Variants in ARID2 observed in about 807,000 individuals in gnomAD.
The protein encoded by ARID2 is AT-rich interactive domain-containing protein 2.
ARID2 carries 32 observed loss-of-function variants against 184.6 expected under a neutral mutation model. That is an observed-to-expected ratio of 0.17 (90% confidence interval 0.13 to 0.23). ARID2 has a LOEUF of 0.23. Among genes scored for constraint, ARID2 ranks in the 10% least tolerant of loss-of-function variants. ARID2 has a pLI of 1.00. For missense variants in ARID2, 1,696 were observed against 2,197.6 expected (o/e 0.77, Z 4.56); for synonymous variants, 836 against 772.6 (o/e 1.08, Z -1.36).
intron 3 of ARID2, among the ~76,000 whole-genome samples, chr12:45,783,040 A>T (rs1942126006): frequency 1.3e-5 from 2 of 152,008 alleles, no homozygotes; most frequent in Non-Finnish European, 2.9e-5. Context: ...AGGCTGAGGC[A>T]CGAAAATTGC....
chr12:45,804,719 C>T lies in ARID2; in HGVS notation c.285-6699C>T, dbSNP rs553533641. Reference sequence around the variant, plus strand: ...TTTAAATTGTGAAATATATCATGCACACACAAAAAAGCTTAATACATCATC... The same window carrying T: ...TTTAAATTGTGAAATATATCATGCATACACAAAAAAGCTTAATACATCATC... On this transcript the variant is annotated intron_variant, in intron 3 of 20. Transcript: ENST00000334344. Among the ~76,000 whole-genome samples the T allele has an allele frequency of 3.9e-5, 6 of 152,036 alleles. No homozygotes were observed. The East Asian group carries it at 7.7e-4, about 20-fold the overall frequency.
intron 3 of ARID2, among the ~76,000 whole-genome samples, chr12:45,795,744 CTTTT>C (rs1942381787): frequency 6.6e-6 from 1 of 152,004 alleles, no homozygotes; most frequent in Admixed American, 6.6e-5. Context: ...CCTCTCTGTT[CTTTT>C]CTTTTCCTCC....
intron 3 of ARID2, among the ~76,000 whole-genome samples, chr12:45,739,438 CTT>C (rs71067906): frequency 4.4e-5 from 4 of 90,752 alleles, no homozygotes; most frequent in African/African-American, 1.4e-4. Flanking sequence ...TATAAAGTTA[CTT>C]TTTTTTTTTT....
chr12:45,856,039 T>C (rs974686093), intron 15 of ARID2, among the ~76,000 whole-genome samples: 24 of 151,588 alleles, frequency 1.6e-4, no homozygotes, highest in South Asian at 2.1e-4. Flanking sequence ...CTTAAATTTC[T>C]TTATGTACTC....
chr12:45,851,735 C>A lies in ARID2; in HGVS notation c.3612C>A (p.Ser1204Arg), dbSNP rs754138436. 1 of 1,614,074 alleles carries A rather than the reference C, an allele frequency of 6.2e-7. No individual in the cohort carries two copies. The highest frequency in any genetic ancestry group is 8.5e-7 in the Non-Finnish European group (1 of 1,179,994). Residue 1204 changes from serine (S) to arginine (R), a missense_variant, in exon 15 of 21, where the codon AGC (serine) becomes AGA (arginine). Ser to Arg is a moderately radical substitution (Grantham distance 110). Coordinates refer to ENST00000334344, the MANE Select transcript of ARID2 (RefSeq NM_152641.4). Reference protein sequence around the residue: ...QLIAPAGITMSGTQTGVGLPV... With the variant: ...QLIAPAGITMRGTQTGVGLPV... ...TTGCTCCAGCAGGAATTACCATGAG[C>A]GGAACGCAGACAGGAGTTGGACTTC...
At chr12:45,772,611 G>T (rs1941898280) in intron 3 of ARID2, among the ~76,000 whole-genome samples, 1 of 152,002 alleles carries the variant, frequency 6.6e-6, no homozygotes, top group Non-Finnish European at 1.5e-5. Flanking sequence ...TTAATATCAG[G>T]CAAAATAGAT....
At chr12:45,844,547 A>G (rs1009285207) in intron 11 of ARID2, among the ~76,000 whole-genome samples, 7 of 152,186 alleles carry the variant, frequency 4.6e-5, no homozygotes, top group African/African-American at 1.7e-4. Context: ...ATTGACAGGA[A>G]GCTATACCAA....
At position 45,850,648 on chromosome 12, in the gene ARID2, C is replaced by T. The variant is rs2138163822; in HGVS notation, c.2525C>T (p.Ser842Leu). 6.2e-7 allele frequency: 1 copy of T among 1,614,136 alleles called. No homozygotes were observed. ...CAACAGACATCAGCTGGTAGCCAGT[C>T]ACAAGATACTGTTATCATAGCACCC... ...SSQQTSAGSQ[S>L]QDTVIIAPPQ... The change falls in exon 15 of 21, where the codon TCA becomes TTA. Residue 842 changes from serine (S) to leucine (L), a missense_variant. Ser to Leu is a moderately radical substitution (Grantham distance 145, BLOSUM62 -2). Transcript: ENST00000334344.
chr12:45,892,216 G>C (rs552899062), intron 18 of ARID2, 120 bp downstream of exon 18: 1 of 930,722 alleles, frequency 1.1e-6, no homozygotes, highest in African/African-American at 1.7e-5. Context: ...GTCCAGCTCT[G>C]CCATGAACCA....
intron 6 of ARID2, among the ~76,000 whole-genome samples, chr12:45,828,836 A>T (rs546714475): frequency 1.3e-5 from 2 of 151,962 alleles, no homozygotes; most frequent in South Asian, 4.2e-4. Context: ...TTTGGATAAA[A>T]TTTCTTTTTA....
chr12:45,745,748 T>G (rs1433515943), intron 3 of ARID2, among the ~76,000 whole-genome samples: 4 of 152,006 alleles, frequency 2.6e-5, no homozygotes, highest in Non-Finnish European at 5.9e-5. Flanking sequence ...CAGGGTTTCG[T>G]CATTTGGCCA....
chr12:45,769,953 T>C (rs1157450101), intron 3 of ARID2, among the ~76,000 whole-genome samples: 1 of 152,128 alleles, frequency 6.6e-6, no homozygotes. Flanking sequence ...AGGAAATCTG[T>C]CTTTGAAAAA....
intron 3 of ARID2, among the ~76,000 whole-genome samples, chr12:45,739,224 C>T (rs1941197432): frequency 6.6e-6 from 1 of 152,026 alleles, no homozygotes; most frequent in Non-Finnish European, 1.5e-5. Context: ...GGTGATTCAC[C>T]TGCTTTGGCC....
At position 45,867,025 on chromosome 12, in the gene ARID2, A is replaced by T. The variant is rs142211852; in HGVS notation, c.4922+6076A>T. On this transcript the variant is annotated intron_variant, in intron 16 of 20. Transcript: ENST00000334344. ...GAGTGCAGTGGGGTGATCTCGGCTC[A>T]CTGCAACCTCCACCTCCCAAGTTCA... is the stretch of plus-strand genomic sequence containing the variant. Among the ~76,000 whole-genome samples, 9 of 152,102 alleles carry T rather than the reference A, an allele frequency of 5.9e-5. No individual in the cohort carries two copies. In the East Asian group the frequency reaches 1.7e-3, roughly 29 times the overall value.
intron 3 of ARID2, among the ~76,000 whole-genome samples, chr12:45,738,309 ATTTATTTATT>A (rs1182001887): frequency 6.6e-6 from 1 of 151,980 alleles, no homozygotes; most frequent in African/African-American, 2.4e-5. Flanking sequence ...GGGAGATTTT[ATTTATTTATT>A]TTTATTTATT....
chr12:45,898,771 G>T (rs951186429), intron 20 of ARID2, among the ~76,000 whole-genome samples: 1 of 152,064 alleles, frequency 6.6e-6, no homozygotes, highest in African/African-American at 2.4e-5. Context: ...ATAAAAATTA[G>T]CTGGGCATGG....
At chr12:45,795,669 C>T (rs1465939671) in intron 3 of ARID2, among the ~76,000 whole-genome samples, 1 of 151,724 alleles carries the variant, frequency 6.6e-6, no homozygotes, top group African/African-American at 2.4e-5. Context: ...ATCTCCTGAC[C>T]TCGTGATCCG....
intron 16 of ARID2, among the ~76,000 whole-genome samples, chr12:45,866,592 C>A (rs549740722): frequency 6.6e-6 from 1 of 152,200 alleles, no homozygotes; most frequent in East Asian, 1.9e-4. Flanking sequence ...AGCTTGTTTC[C>A]CACTACCTGG....
intron 3 of ARID2, among the ~76,000 whole-genome samples, chr12:45,763,389 G>T (rs1941715572): frequency 6.6e-6 from 1 of 151,808 alleles, no homozygotes; most frequent in Non-Finnish European, 1.5e-5. Flanking sequence ...AGAATCACTT[G>T]AACCCAGGAG....
Sources: gnomAD v4.1 joint callset for allele counts (sites outside exome capture counted in the v4.1 genomes callset) on GRCh38, gnomAD v4.1.1 for gene constraint, MANE v1.5 for transcripts, NCBI Gene and HGNC (gene_info 2026-07-23, HGNC 2026-07-21) for gene names.